NARS2: variants seen among roughly 807,000 people sequenced by gnomAD.
The protein encoded by NARS2 is asparaginyl-tRNA synthetase.
Under a neutral mutation model 62.9 loss-of-function variants are expected in NARS2, and 60 were observed. The ratio of observed to expected loss-of-function variants is 0.95; its 90% confidence interval spans 0.77 to 1.18. NARS2 has a LOEUF of 1.18. Ranked by LOEUF, NARS2 falls within the 50% of genes most tolerant of loss-of-function variation. The probability of loss-of-function intolerance (pLI) is 0.00; values close to 1 mark genes in which losing one functional copy is unlikely to be tolerated. For missense variants in NARS2, 619 were observed against 576.4 expected, an observed-to-expected ratio of 1.07 and a Z score of -0.76; for synonymous variants, 196 against 200.0, an observed-to-expected ratio of 0.98 and a Z score of 0.17.
intron 9 of NARS2, among the ~76,000 whole-genome samples, chr11:78,476,272 C>T (rs550640961): frequency 6.6e-6 from 1 of 152,338 alleles, no homozygotes; most frequent in South Asian, 2.1e-4. Context: ...AGCACTGCCC[C>T]ACTCCTTTGT....
intron 5 of NARS2, among the ~76,000 whole-genome samples, chr11:78,535,890 T>C (rs1424439879): frequency 6.6e-6 from 1 of 152,172 alleles, no homozygotes; most frequent in Non-Finnish European, 1.5e-5. Flanking sequence ...GTGCTGGGAT[T>C]ACAGGTGTGA....
intron 7 of NARS2, among the ~76,000 whole-genome samples, chr11:78,483,286 C>T (rs759868237): frequency 6.6e-6 from 1 of 152,146 alleles, no homozygotes; most frequent in Admixed American, 6.5e-5. Flanking sequence ...CAGTATCATA[C>T]TGAATGGGCA....
chr11:78,461,602 T>TAAAAAAAAAAAAAAAAAAAA (rs59664343), intron 11 of NARS2, among the ~76,000 whole-genome samples: 3 of 64,086 alleles, frequency 4.7e-5, no homozygotes, highest in African/African-American at 1.8e-4. Flanking sequence ...GCTGTGCTGG[T>TAAAAAAAAAAAAAAAAAAAA]AAAAAAAAAA....
intron 5 of NARS2, among the ~76,000 whole-genome samples, chr11:78,545,388 C>A (rs1374445549): frequency 6.6e-6 from 1 of 152,174 alleles, no homozygotes; most frequent in Admixed American, 6.5e-5. Context: ...CGATCCATAC[C>A]TGCCTTCATG....
At chr11:78,499,495 A>G (rs1393489577) in intron 6 of NARS2, among the ~76,000 whole-genome samples, 5 of 152,298 alleles carry the variant, frequency 3.3e-5, no homozygotes, top group East Asian at 3.9e-4. Context: ...GGTAAATAGA[A>G]TATCAATTAC....
chr11:78,500,409 T>C (rs975833005), intron 6 of NARS2, among the ~76,000 whole-genome samples: 5 of 152,204 alleles, frequency 3.3e-5, no homozygotes, highest in African/African-American at 4.8e-5. Flanking sequence ...AGAGAACAAA[T>C]GGATCAAAGT....
At chr11:78,525,156 A>G (rs758697238) in intron 6 of NARS2, among the ~76,000 whole-genome samples, 1 of 152,146 alleles carries the variant, frequency 6.6e-6, no homozygotes, top group Non-Finnish European at 1.5e-5. Flanking sequence ...ATGGCTAGGC[A>G]GAGCATAGAA....
At chr11:78,459,562 G>C (rs1355186160) in intron 11 of NARS2, among the ~76,000 whole-genome samples, 1 of 152,066 alleles carries the variant, frequency 6.6e-6, no homozygotes, top group Non-Finnish European at 1.5e-5. Flanking sequence ...GAGCCACCGC[G>C]CCCAGCCGAT....
At chr11:78,438,292 A>ATAGTTTAGT in intron 13 of NARS2, among the ~76,000 whole-genome samples, 1 of 152,218 alleles carries the variant, frequency 6.6e-6, no homozygotes, top group Non-Finnish European at 1.5e-5. Flanking sequence ...TCAGATTAGT[A>ATAGTTTAGT]ATAACTATAA....
intron 6 of NARS2, among the ~76,000 whole-genome samples, chr11:78,519,996 T>A (rs1448579226): frequency 6.6e-6 from 1 of 152,088 alleles, no homozygotes; most frequent in African/African-American, 2.4e-5. Flanking sequence ...TCCAGCTAGT[T>A]TTTGAGTTTC....
At chr11:78,446,329 C>CA (rs1258394961) in intron 11 of NARS2, among the ~76,000 whole-genome samples, 2 of 152,218 alleles carry the variant, frequency 1.3e-5, no homozygotes, top group African/African-American at 4.8e-5. Context: ...CTCTGACCCT[C>CA]ATCACTAGGC....
Position 78,574,662 on chromosome 11 carries a change from C to T in NARS2, c.-174G>A. The T allele has an allele frequency of 1.5e-6, 1 of 655,794 alleles. No homozygotes were observed. Among genetic ancestry groups the T allele is most frequent in the Non-Finnish European group, 2.5e-6 (1 of 394,814 alleles). The allele number at this position is 655,794 out of a possible 1,614,324, so 40.6% of individuals were successfully genotyped here. A position where few individuals can be genotyped will look rare whatever the true frequency, so the allele number is the denominator to read the frequency against. ...CCTTCAGGACTCCCAGCTCTGTCCC[C>T]ACAGAACCTCTCCGCTTCCCACTTC... On this transcript the variant is annotated 5_prime_UTR_variant, in exon 1 of 14. Coordinates refer to ENST00000281038, the MANE Select transcript of NARS2 (RefSeq NM_024678.6).
intron 5 of NARS2, among the ~76,000 whole-genome samples, chr11:78,534,555 C>G (rs761980734): frequency 6.6e-6 from 1 of 152,146 alleles, no homozygotes; most frequent in Non-Finnish European, 1.5e-5. Flanking sequence ...GTGAATAAAT[C>G]AGAACTTTGT....
chr11:78,471,859 T>A (rs1858893923), intron 9 of NARS2, among the ~76,000 whole-genome samples: 1 of 152,186 alleles, frequency 6.6e-6, no homozygotes, highest in African/African-American at 2.4e-5. Flanking sequence ...ACAAAGGACA[T>A]GAACTCATCA....
At chr11:78,573,208 A>T (rs1856993659) in intron 1 of NARS2, 2 of 152,220 alleles carry the variant, frequency 1.3e-5, no homozygotes, top group South Asian at 4.1e-4. Flanking sequence ...CAGTACAATC[A>T]TGGGTGACAA....
At chr11:78,469,334 A>G (rs1591163220) in intron 9 of NARS2, 21 bp from the exon 10 acceptor site, 1 of 1,592,430 alleles carries the variant, frequency 6.3e-7, no homozygotes, top group Non-Finnish European at 8.6e-7. Flanking sequence ...ACAGGATACA[A>G]GCAGAGAAAA....
intron 7 of NARS2, among the ~76,000 whole-genome samples, chr11:78,479,098 A>G (rs1162011977): frequency 6.6e-6 from 1 of 152,238 alleles, no homozygotes; most frequent in African/African-American, 2.4e-5. Context: ...AGAGAAACAC[A>G]CAACAAACAT....
intron 5 of NARS2, among the ~76,000 whole-genome samples, chr11:78,554,814 A>T (rs1192171375): frequency 3.9e-5 from 6 of 152,190 alleles, no homozygotes; most frequent in Non-Finnish European, 8.8e-5. Flanking sequence ...GTTGAAGAGA[A>T]GTGGTGAGGG....
In NARS2 at chr11:78,559,666, T is replaced by A. The variant is rs750186511; in HGVS notation, c.514-47A>T. The A allele has an allele frequency of 3.1e-6, 4 of 1,274,040 alleles. No homozygotes were observed. The South Asian group carries it at 3.6e-5, about 11-fold the overall frequency. 78.9% of individuals were successfully genotyped at this position (1,274,040 alleles called of 1,614,324 possible). A position where few individuals can be genotyped will look rare whatever the true frequency, so the allele number is the denominator to read the frequency against. On this transcript the variant is annotated intron_variant, in intron 4 of 13. Coordinates refer to ENST00000281038, the MANE Select transcript of NARS2 (RefSeq NM_024678.6). Reference sequence around the variant, plus strand: ...TTCAGGATATTTGCACATTCAACAATTCCAAGAACACACATCCTCTTATAG... The same window carrying A: ...TTCAGGATATTTGCACATTCAACAAATCCAAGAACACACATCCTCTTATAG...
Sources: gnomAD v4.1 joint callset for allele counts (sites outside exome capture counted in the v4.1 genomes callset) on GRCh38, gnomAD v4.1.1 for gene constraint, MANE v1.5 for transcripts, NCBI Gene and HGNC (gene_info 2026-07-23, HGNC 2026-07-21) for gene names.